The following CELSR1 variants were observed in gnomAD, a reference collection of about 807,000 sequenced individuals.
CELSR1 encodes the protein adhesion G protein-coupled receptor C1.
CELSR1 carries 110 observed loss-of-function variants against 249.1 expected under a neutral mutation model. That is an observed-to-expected ratio of 0.44 (90% CI 0.38 to 0.52). The LOEUF (loss-of-function observed/expected upper bound fraction) is 0.52, where lower values mean the gene tolerates loss of function less well. Ranked by LOEUF, CELSR1 falls within the 20% of genes least tolerant of loss-of-function variation. The pLI, the probability that CELSR1 is intolerant of heterozygous loss-of-function variation, is 0.00. For synonymous variants in CELSR1, 2,113 were observed against 1,900.0 expected, an observed-to-expected ratio of 1.11 and a Z score of -2.92; for missense variants, 4,109 against 4,296.4, an observed-to-expected ratio of 0.96 and a Z score of 1.22.
At chr22:46,367,705 G>T (rs373200110) in intron 28 of CELSR1, 24 bp downstream of exon 28, 667 of 1,578,926 alleles carry the variant, frequency 4.2e-4, no homozygotes, top group Non-Finnish European at 5.4e-4. Context: ...CAGGGGTCCC[G>T]CGGGCAACTC....
At chr22:46,459,741 C>T in intron 2 of CELSR1, among the ~76,000 whole-genome samples, 1 of 152,220 alleles carries the variant, frequency 6.6e-6, no homozygotes, top group East Asian at 1.9e-4. Context: ...TCCCTGGGGG[C>T]AAAATCACCC....
rs1052499498 is a variant in CELSR1 at position 46,428,801 on chromosome 22, C to T, written c.4611+4592G>A. The stretch of plus-strand genomic sequence containing the variant: ...CCTCACTGCCTCACTGCACAGCTCA[C>T]TCACGGGTCCCCAGCGGGCCACACT... On this transcript the variant is annotated intron_variant, in intron 5 of 34. Coordinates refer to ENST00000674500, the MANE Select transcript of CELSR1 (RefSeq NM_001378328.1). The surrounding 1 kb of genome is among the most constrained non-coding windows in gnomAD (Gnocchi z 5.7). Among the ~76,000 whole-genome samples the T allele has an allele frequency of 1.3e-5, 2 of 152,226 alleles. No homozygotes were observed. Among genetic ancestry groups the T allele is most frequent in the African/African-American group, 2.4e-5 (1 of 41,462 alleles).
At chr22:46,481,845 T>C (rs934182861) in intron 1 of CELSR1, 2 of 216,226 alleles carry the variant, frequency 9.2e-6, no homozygotes, top group African/African-American at 2.4e-5. Flanking sequence ...TGATCTCAGC[T>C]CACTGCAACC....
rs749728017 is a variant in CELSR1, at chr22:46,391,238, T to C, written c.6198A>G (p.Pro2066=). The C allele has an allele frequency of 3.7e-6, 6 of 1,613,602 alleles. No homozygotes were observed. Among genetic ancestry groups the C allele is most frequent in the Non-Finnish European group, 5.1e-6 (6 of 1,180,004 alleles). The change falls in exon 16 of 35, where the codon CCA becomes CCG. Residue 2066 remains proline (P), a synonymous_variant. Transcript: ENST00000674500. This position sits in a 1 kb window ranked among gnomAD's most constrained non-coding sequence, Gnocchi z 4.3. ...PKAFEAGIWW[P]QTKFGQPAAV... is the part of the protein sequence containing the mutation. ...CAGCCGGCTGCCCGAACTTGGTCTG[T>C]GGCCACCAGATGCCGGCCTCAAATG... is the stretch of plus-strand genomic sequence containing the variant.
Position 46,433,061 on chromosome 22 carries a change from CT to C in CELSR1, c.4611+331del, listed in dbSNP as rs2079614438. Among the ~76,000 whole-genome samples, 1 of 151,788 alleles carries C rather than the reference CT, an allele frequency of 6.6e-6. No homozygotes were observed. Among genetic ancestry groups the C allele is most frequent in the South Asian group, 2.1e-4 (1 of 4,816 alleles). ...TTTTTTTTTTAGATGGAATTTCGCT[CT>C]GTTACCCAGGCTGGAATACAGTGGC... On this transcript the variant is annotated intron_variant, in intron 5 of 34. Coordinates refer to ENST00000674500, the MANE Select transcript of CELSR1 (RefSeq NM_001378328.1). The surrounding 1 kb of genome is among the most constrained non-coding windows in gnomAD (Gnocchi z 5.7).
chr22:46,480,256 G>C (rs756719625), intron 1 of CELSR1, among the ~76,000 whole-genome samples: 4 of 152,138 alleles, frequency 2.6e-5, no homozygotes, highest in Non-Finnish European at 4.4e-5. Flanking sequence ...GTTTTTGCAT[G>C]GTCTCCAAGC....
chr22:46,493,475 G>T (rs902887992), intron 1 of CELSR1, among the ~76,000 whole-genome samples: 2 of 151,290 alleles, frequency 1.3e-5, no homozygotes, highest in Admixed American at 1.3e-4. Context: ...GAACCTGGGA[G>T]GCAGAGGTTG....
chr22:46,414,320 C>T (rs2079372076), intron 5 of CELSR1, among the ~76,000 whole-genome samples: 1 of 152,226 alleles, frequency 6.6e-6, no homozygotes, highest in Non-Finnish European at 1.5e-5. Context: ...GGCGAAAGAG[C>T]CGAATGTTCT....
rs949801893 is a variant in CELSR1, at chr22:46,417,167, G to A, written c.4612-5408C>T. Among the ~76,000 whole-genome samples the A allele has an allele frequency of 5.3e-5, 8 of 152,186 alleles. No homozygotes were observed. Among genetic ancestry groups the A allele is most frequent in the Non-Finnish European group, 8.8e-5 (6 of 68,040 alleles). On this transcript the variant is annotated intron_variant, in intron 5 of 34. Transcript: ENST00000674500. The surrounding 1 kb of genome is among the most constrained non-coding windows in gnomAD (Gnocchi z 4.1). ...TGACAAAGTTCAGGCCTGTCTGGCC[G>A]ACAAATGCCCCAGGAAATGTGGGCA...
chr22:46,419,176 C>T (rs79447514), intron 5 of CELSR1, among the ~76,000 whole-genome samples: 5,476 of 152,250 alleles, frequency 0.036, 104 homozygotes, highest in Middle Eastern at 0.095. Flanking sequence ...GTCACCTCTG[C>T]GGCCAGGCTA....
At chr22:46,394,334 G>C in intron 13 of CELSR1, 72 bp from the exon 14 acceptor site, 1 of 1,531,820 alleles carries the variant, frequency 6.5e-7, no homozygotes, top group South Asian at 1.2e-5. Context: ...GAGGCCTGCA[G>C]GCAGCATGGA....
Position 46,409,793 on chromosome 22 carries a change from TCACA to T in CELSR1, c.5017_5020del (p.Cys1673SerfsTer32). On this transcript the variant is annotated frameshift_variant, in exon 8 of 35. Coordinates refer to ENST00000674500, the MANE Select transcript of CELSR1 (RefSeq NM_001378328.1). LOFTEE classifies it high-confidence loss of function. The surrounding 1 kb of genome is among the most constrained non-coding windows in gnomAD (Gnocchi z 9.8). Reference sequence around the variant, plus strand: ...CTTCCCGCCGAATCGGAGTGGACACTCACACAGATACATATTCCACCTGTTGACA... The same window carrying T: ...CTTCCCGCCGAATCGGAGTGGACACTCAGATACATATTCCACCTGTTGACA... 1 of 1,613,802 alleles carries T rather than the reference TCACA, an allele frequency of 6.2e-7. No individual in the cohort carries two copies. Among genetic ancestry groups the T allele is most frequent in the Non-Finnish European group, 8.5e-7 (1 of 1,179,968 alleles).
chr22:46,385,952 C>T (rs950623757), intron 19 of CELSR1, among the ~76,000 whole-genome samples: 1 of 148,914 alleles, frequency 6.7e-6, no homozygotes, highest in Non-Finnish European at 1.5e-5. Flanking sequence ...GCTGGGATTA[C>T]AGGCGTGAGC....
intron 5 of CELSR1, among the ~76,000 whole-genome samples, chr22:46,431,830 C>T (rs373802614): frequency 1.3e-5 from 2 of 152,210 alleles, no homozygotes; most frequent in South Asian, 4.1e-4. Context: ...GAGGGCTACC[C>T]TCTTCCTCTT....
Position 46,407,010 on chromosome 22 carries a change from G to A in CELSR1, c.5226+1986C>T, listed in dbSNP as rs190575990. On this transcript the variant is annotated intron_variant, in intron 9 of 34. Coordinates refer to ENST00000674500, the MANE Select transcript of CELSR1 (RefSeq NM_001378328.1). The surrounding 1 kb of genome is among the most constrained non-coding windows in gnomAD (Gnocchi z 4.8). ...ACTTCCTGACCGCAGGAGCGGGGAG[G>A]GGGGGTCATCCTGGGAGAACAGGGT... is the stretch of plus-strand genomic sequence containing the variant. Among the ~76,000 whole-genome samples, 118 of 152,332 alleles carry A rather than the reference G, an allele frequency of 7.7e-4. 1 individual carries two copies. The highest frequency in any genetic ancestry group is 2.6e-3 in the African/African-American group (110 of 41,580).
In CELSR1 at chr22:46,395,800, G is replaced by C. The variant is rs2079141407; in HGVS notation, c.5843+805C>G. On this transcript the variant is annotated intron_variant, in intron 13 of 34. Coordinates refer to ENST00000674500, the MANE Select transcript of CELSR1 (RefSeq NM_001378328.1). This position sits in a 1 kb window ranked among gnomAD's most constrained non-coding sequence, Gnocchi z 5.5. Reference sequence around the variant, plus strand: ...ACCTTGGTTTATGAAGAACCCAGCAGCTCCACCTTGGACAAAGTGACGCTT... The same window carrying C: ...ACCTTGGTTTATGAAGAACCCAGCACCTCCACCTTGGACAAAGTGACGCTT... 6.6e-6 allele frequency among the ~76,000 whole-genome samples: 1 copy of C among 152,180 alleles called. No individual in the cohort carries two copies. The highest frequency in any genetic ancestry group is 2.1e-4 in the South Asian group (1 of 4,834).
At chr22:46,496,567 C>CA in intron 1 of CELSR1, among the ~76,000 whole-genome samples, 1 of 152,270 alleles carries the variant, frequency 6.6e-6, no homozygotes, top group African/African-American at 2.4e-5. Context: ...AACTCTATCT[C>CA]AAAAAATATA....
intron 1 of CELSR1, among the ~76,000 whole-genome samples, chr22:46,492,310 A>G (rs1023539384): frequency 6.6e-6 from 1 of 152,192 alleles, no homozygotes; most frequent in African/African-American, 2.4e-5. Context: ...GTCAGCCCTC[A>G]ATGGTCTCAG....
At chr22:46,516,117 A>G (rs2080624776) in intron 1 of CELSR1, among the ~76,000 whole-genome samples, 1 of 152,318 alleles carries the variant, frequency 6.6e-6, no homozygotes, top group Middle Eastern at 3.4e-3. Context: ...GTATATACCC[A>G]AAGGATTATA....
Sources: allele counts gnomAD v4.1 joint callset (sites outside exome capture counted in the v4.1 genomes callset), GRCh38; gene constraint gnomAD v4.1.1; non-coding constraint Gnocchi (gnomAD v3.1); transcripts MANE v1.5; gene names NCBI Gene and HGNC (gene_info 2026-07-23, HGNC 2026-07-21).